Variants in PHF20 observed in about 807,000 individuals in gnomAD.
The protein encoded by PHF20 is glioma-expressed antigen 2.
In PHF20, 23 loss-of-function variants were observed where a neutral mutation model predicts 113.5. The ratio of observed to expected loss-of-function variants is 0.20; its 90% confidence interval spans 0.15 to 0.29. The LOEUF (loss-of-function observed/expected upper bound fraction) is 0.29. Ranked by LOEUF, PHF20 falls within the 10% of genes least tolerant of loss-of-function variation. The pLI is 1.00. For synonymous variants in PHF20, 434 were observed against 457.3 expected (o/e 0.95, Z 0.65); for missense variants, 943 against 1,219.6 (o/e 0.77, Z 3.38).
intron 2 of PHF20, among the ~76,000 whole-genome samples, chr20:35,823,065 T>C (rs1277411082): frequency 6.6e-6 from 1 of 151,994 alleles, no homozygotes; most frequent in Admixed American, 6.6e-5. Flanking sequence ...AAATGTATAA[T>C]GTATATGTGT....
At chr20:35,925,025 T>C (rs1004172822) in intron 13 of PHF20, among the ~76,000 whole-genome samples, 5 of 152,178 alleles carry the variant, frequency 3.3e-5, no homozygotes, top group African/African-American at 1.2e-4. Context: ...GCCACCTTTA[T>C]TTACTTCATT....
intron 2 of PHF20, among the ~76,000 whole-genome samples, chr20:35,814,083 TA>T (rs1245383884): frequency 6.6e-6 from 1 of 151,980 alleles, no homozygotes; most frequent in Non-Finnish European, 1.5e-5. Context: ...CATTGGTTTT[TA>T]AAAAAAGAAA....
chr20:35,835,472 C>T (rs950927357), intron 2 of PHF20, among the ~76,000 whole-genome samples: 1 of 152,118 alleles, frequency 6.6e-6, no homozygotes, highest in Non-Finnish European at 1.5e-5. Flanking sequence ...AATACAAGAA[C>T]ACTTGGACAG....
chr20:35,913,377 G>C, intron 11 of PHF20, 30 bp downstream of exon 11: 1 of 1,479,316 alleles, frequency 6.8e-7, no homozygotes, highest in Non-Finnish European at 9.4e-7. Flanking sequence ...GTTTCACTTA[G>C]GTTTCCTTAC....
At chr20:35,801,849 A>G in intron 2 of PHF20, 1 of 337,892 alleles carries the variant, frequency 3.0e-6, no homozygotes, top group South Asian at 4.0e-5. Context: ...TCTGGGAAAA[A>G]GAAGCAGGAA....
chr20:35,891,376 CAAAAA>C (rs11475386), intron 9 of PHF20, among the ~76,000 whole-genome samples: 1 of 76,654 alleles, frequency 1.3e-5, no homozygotes, highest in Non-Finnish European at 3.0e-5. Flanking sequence ...GACTCTATGT[CAAAAA>C]AAAAAAAAAA....
At chr20:35,864,399 C>A (rs2054275568) in intron 6 of PHF20, among the ~76,000 whole-genome samples, 1 of 139,914 alleles carries the variant, frequency 7.1e-6, no homozygotes. Flanking sequence ...AGTGACACCC[C>A]ATCTCAAAAC....
At chr20:35,895,409 C>A (rs1200660509) in intron 9 of PHF20, among the ~76,000 whole-genome samples, 1 of 152,112 alleles carries the variant, frequency 6.6e-6, no homozygotes, top group Non-Finnish European at 1.5e-5. Flanking sequence ...CTGCCCGCCT[C>A]AGTTTCCCAA....
intron 10 of PHF20, among the ~76,000 whole-genome samples, chr20:35,903,048 G>GTTTCC (rs142226239): frequency 0.15 from 12,353 of 84,842 alleles, 926 homozygotes; most frequent in African/African-American, 0.22. Context: ...AGTGATTTTC[G>GTTTCC]TTTCCTTTCC....
At chr20:35,928,667 A>G (rs1399989690) in intron 14 of PHF20, 1 of 152,150 alleles carries the variant, frequency 6.6e-6, no homozygotes, top group Non-Finnish European at 1.5e-5. Flanking sequence ...TGTGCTGCCG[A>G]AGTGGCACCT....
chr20:35,928,840 G>A (rs1170129108), intron 14 of PHF20, among the ~76,000 whole-genome samples: 2 of 152,176 alleles, frequency 1.3e-5, no homozygotes, highest in Admixed American at 6.5e-5. Flanking sequence ...AGGGGAAGGA[G>A]GAAGGCATGG....
intron 9 of PHF20, among the ~76,000 whole-genome samples, chr20:35,882,574 T>C (rs1190567902): frequency 6.6e-6 from 1 of 152,180 alleles, no homozygotes; most frequent in Non-Finnish European, 1.5e-5. Context: ...ACTACAGACA[T>C]GTGGCACCAA....
chr20:35,791,004 G>A (rs1764707352), intron 1 of PHF20, among the ~76,000 whole-genome samples: 1 of 151,974 alleles, frequency 6.6e-6, no homozygotes, highest in Admixed American at 6.6e-5. Context: ...AATTACAGGC[G>A]TGTGCCACCA....
rs147698945 is a variant in PHF20, at chr20:35,791,660, G to C, written c.-32-9831G>C. On this transcript the variant is annotated intron_variant, in intron 1 of 17. Transcript: ENST00000374012. ...CATGAGACAGTATTGATTTGGATCT[G>C]GGGAAGGTATAGCTGGAGGATTGGA... 4.1e-4 allele frequency among the ~76,000 whole-genome samples: 62 copies of C among 151,530 alleles called. 3 individuals carry two copies. The East Asian group carries it at 0.012, about 29-fold the overall frequency.
chr20:35,813,250 G>A (rs930343979), intron 2 of PHF20, among the ~76,000 whole-genome samples: 10 of 152,028 alleles, frequency 6.6e-5, no homozygotes, highest in African/African-American at 1.7e-4. Context: ...GATTACAGGC[G>A]CGGTGAGCCA....
chr20:35,847,332 T>C lies in PHF20; in HGVS notation c.256-18T>C. 3 of 1,560,838 alleles carry C rather than the reference T, an allele frequency of 1.9e-6. No homozygotes were observed. The highest frequency in any genetic ancestry group is 1.2e-5 in the South Asian group (1 of 86,202). On this transcript the variant is annotated intron_variant, in intron 3 of 17. Transcript: ENST00000374012. ...TAGGTTGGTAACAGGATCTTTTTTT[T>C]TTTTTTATGTTTTTTAGGAATTTCA... is the stretch of plus-strand genomic sequence containing the variant.
intron 11 of PHF20, 27 bp from the exon 12 acceptor site, chr20:35,914,006 C>G (rs760543310): frequency 6.2e-7 from 1 of 1,611,036 alleles, no homozygotes; most frequent in East Asian, 2.2e-5. Flanking sequence ...TAGGGTTATT[C>G]ATTCCTTCCT....
At chr20:35,822,308 C>T (rs2042182796) in intron 2 of PHF20, among the ~76,000 whole-genome samples, 1 of 151,908 alleles carries the variant, frequency 6.6e-6, no homozygotes, top group South Asian at 2.1e-4. Flanking sequence ...GTCCCAGCTA[C>T]TGGGGAGGCT....
At chr20:35,819,213 G>T (rs1349602062) in intron 2 of PHF20, among the ~76,000 whole-genome samples, 1 of 152,156 alleles carries the variant, frequency 6.6e-6, no homozygotes, top group East Asian at 1.9e-4. Flanking sequence ...TTACAGGCGT[G>T]AACCACTGTG....
Sources: gnomAD v4.1 joint callset for allele counts (sites outside exome capture counted in the v4.1 genomes callset) on GRCh38, gnomAD v4.1.1 for gene constraint, MANE v1.5 for transcripts, NCBI Gene and HGNC (gene_info 2026-07-23, HGNC 2026-07-21) for gene names.